Variants in TPD52 observed in about 807,000 individuals in gnomAD.
The protein encoded by TPD52 is prostate and colon associated protein.
TPD52 carries 17 observed loss-of-function variants against 31.3 expected under a neutral mutation model. The observed-to-expected ratio is 0.54, with a 90% CI of 0.37 to 0.82. The LOEUF (loss-of-function observed/expected upper bound fraction) is 0.82, where lower values mean the gene tolerates loss of function less well. Among genes scored for constraint, TPD52 ranks in the 40% least tolerant of loss-of-function variants. The probability of loss-of-function intolerance (pLI) is 0.00; values close to 1 mark genes in which losing one functional copy is unlikely to be tolerated. For missense variants in TPD52, 212 were observed against 240.1 expected (o/e 0.88, Z 0.77); for synonymous variants, 83 against 89.6 (o/e 0.93, Z 0.42).
At chr8:80,112,192 A>G in intron 1 of TPD52, among the ~76,000 whole-genome samples, 1 of 152,262 alleles carries the variant, frequency 6.6e-6, no homozygotes, top group East Asian at 1.9e-4. Flanking sequence ...AGCTAACACT[A>G]AGTGTGTACC....
chr8:80,169,061 T>C (rs1781898770), intron 1 of TPD52, among the ~76,000 whole-genome samples: 2 of 152,232 alleles, frequency 1.3e-5, no homozygotes, highest in African/African-American at 2.4e-5. Flanking sequence ...CTAAGCTCAC[T>C]GCAACCTCTG....
chr8:80,167,666 A>G (rs1297995056), intron 1 of TPD52, among the ~76,000 whole-genome samples: 1 of 152,242 alleles, frequency 6.6e-6, no homozygotes, highest in East Asian at 1.9e-4. Context: ...TAAATAAATG[A>G]TACCCCACAT....
intron 1 of TPD52, among the ~76,000 whole-genome samples, chr8:80,070,001 C>T (rs534080335): frequency 6.6e-6 from 1 of 152,268 alleles, no homozygotes; most frequent in East Asian, 1.9e-4. Context: ...GTTAATATTG[C>T]ATCTGAACTG....
At chr8:80,164,268 C>T (rs1172190893) in intron 1 of TPD52, among the ~76,000 whole-genome samples, 2 of 151,940 alleles carry the variant, frequency 1.3e-5, no homozygotes, top group African/African-American at 2.4e-5. Flanking sequence ...TATGAAGCTA[C>T]AATAACTTAA....
At chr8:80,153,377 A>G (rs866954237) in intron 1 of TPD52, among the ~76,000 whole-genome samples, 2 of 152,330 alleles carry the variant, frequency 1.3e-5, no homozygotes, top group African/African-American at 2.4e-5. Flanking sequence ...TATTTCCTCA[A>G]AGGGAGCAAT....
chr8:80,168,984 TTG>T (rs1811893107), intron 1 of TPD52, among the ~76,000 whole-genome samples: 1 of 152,046 alleles, frequency 6.6e-6, no homozygotes, highest in African/African-American at 2.4e-5. Flanking sequence ...TGGTTTTGTT[TTG>T]TGTTTGTTTG....
intron 1 of TPD52, among the ~76,000 whole-genome samples, chr8:80,157,880 T>C: frequency 6.6e-6 from 1 of 152,180 alleles, no homozygotes; most frequent in Non-Finnish European, 1.5e-5. Flanking sequence ...CTCTACGATA[T>C]CACTATTAAA....
intron 1 of TPD52, among the ~76,000 whole-genome samples, chr8:80,115,386 A>G (rs922912382): frequency 6.6e-6 from 1 of 152,258 alleles, no homozygotes; most frequent in African/African-American, 2.4e-5. Flanking sequence ...CACAGAAGCC[A>G]CAATGACCTA....
intron 1 of TPD52, chr8:80,123,172 T>C (rs1051148651): frequency 2.6e-5 from 4 of 152,242 alleles, no homozygotes; most frequent in African/African-American, 7.2e-5. Context: ...TAGATGAGTC[T>C]CTCTGGTGAC....
At chr8:80,050,689 A>G (rs1811286349) in intron 4 of TPD52, among the ~76,000 whole-genome samples, 1 of 152,220 alleles carries the variant, frequency 6.6e-6, no homozygotes, top group Admixed American at 6.5e-5. Context: ...AGACAATGAC[A>G]GTCTAAATAT....
chr8:80,152,962 T>C (rs1014785168), intron 1 of TPD52, among the ~76,000 whole-genome samples: 1 of 151,968 alleles, frequency 6.6e-6, no homozygotes, highest in South Asian at 2.1e-4. Flanking sequence ...ACAAAAACAT[T>C]TGTGAATAAA....
chr8:80,064,313 C>T (rs2130685958), intron 2 of TPD52, 165 bp downstream of exon 2: 2 of 614,972 alleles, frequency 3.3e-6, no homozygotes, highest in Non-Finnish European at 5.8e-6. Flanking sequence ...CCGATGTCAC[C>T]CTCTTCTATC....
rs1014084944 is a variant in TPD52, at chr8:80,053,111, G to A, written c.284+171C>T. The A allele has an allele frequency of 1.3e-5, 8 of 602,728 alleles. No individual in the cohort carries two copies. In the East Asian group the frequency reaches 2.5e-4, roughly 19 times the overall value. 37.3% of individuals were successfully genotyped at this position (602,728 alleles called of 1,614,324 possible). ...TTAGAATAAGTGGTCTGGAAAAATT[G>A]AAGTTACAAAAAAAGGCAGGCACAC... On this transcript the variant is annotated intron_variant, in intron 3 of 7. Coordinates refer to ENST00000518937, the MANE Select transcript of TPD52 (RefSeq NM_001025253.3).
intron 1 of TPD52, among the ~76,000 whole-genome samples, chr8:80,128,748 A>AT (rs1434602903): frequency 6.6e-6 from 1 of 151,982 alleles, no homozygotes; most frequent in Non-Finnish European, 1.5e-5. Flanking sequence ...AATACTGGTA[A>AT]TATTAGATAT....
chr8:80,085,899 A>C (rs1025656417), intron 1 of TPD52, among the ~76,000 whole-genome samples: 32 of 152,252 alleles, frequency 2.1e-4, no homozygotes, highest in Non-Finnish European at 3.8e-4. Flanking sequence ...GATCAAGTGT[A>C]GTAACAGTAT....
intron 1 of TPD52, among the ~76,000 whole-genome samples, chr8:80,131,885 G>C (rs1809043088): frequency 6.6e-6 from 1 of 152,152 alleles, no homozygotes; most frequent in Non-Finnish European, 1.5e-5. Context: ...TCCTAGTTAA[G>C]AACGCAGCTG....
chr8:80,115,857 A>C (rs888567775), intron 1 of TPD52, among the ~76,000 whole-genome samples: 2 of 152,238 alleles, frequency 1.3e-5, no homozygotes, highest in African/African-American at 4.8e-5. Flanking sequence ...CGTATGGCAA[A>C]AAATGTTCAA....
intron 1 of TPD52, among the ~76,000 whole-genome samples, chr8:80,159,964 G>T (rs182042956): frequency 2.6e-5 from 4 of 152,204 alleles, no homozygotes; most frequent in Non-Finnish European, 4.4e-5. Context: ...GCCGAGGGAG[G>T]AGGATCACTT....
intron 1 of TPD52, chr8:80,158,816 C>A (rs1222237883): frequency 6.7e-6 from 1 of 148,978 alleles, no homozygotes; most frequent in Non-Finnish European, 1.5e-5. Flanking sequence ...TAGTGGCGGG[C>A]GCCTGTAGTC....
Sources: allele counts gnomAD v4.1 joint callset (sites outside exome capture counted in the v4.1 genomes callset), GRCh38; gene constraint gnomAD v4.1.1; transcripts MANE v1.5; gene names NCBI Gene and HGNC (gene_info 2026-07-23, HGNC 2026-07-21).